ANTXR2: variants seen among roughly 807,000 people sequenced by gnomAD.
ANTXR2 encodes ANTXR cell adhesion molecule 2, also known as anthrax toxin receptor 2.
ANTXR2 carries 44 observed loss-of-function variants against 73.7 expected under a neutral mutation model. The observed-to-expected ratio is 0.60, with a 90% CI of 0.47 to 0.77. ANTXR2 has a LOEUF of 0.77. Ranked by LOEUF, ANTXR2 falls within the 30% of genes least tolerant of loss-of-function variation. The probability of loss-of-function intolerance (pLI) is 0.00; values close to 1 mark genes in which losing one functional copy is unlikely to be tolerated. For missense variants in ANTXR2, 604 were observed against 592.5 expected, an observed-to-expected ratio of 1.02 and a Z score of -0.20; for synonymous variants, 217 against 205.9, an observed-to-expected ratio of 1.05 and a Z score of -0.46.
At chr4:80,050,462 C>G (rs183037680) in intron 7 of ANTXR2, among the ~76,000 whole-genome samples, 58 of 151,784 alleles carry the variant, frequency 3.8e-4, no homozygotes, top group African/African-American at 1.3e-3. Context: ...GGAGCCCCAT[C>G]ATTAGCCCTG....
Position 80,072,719 on chromosome 4 carries a change from G to A in ANTXR2, c.-159C>T. 3.0e-6 allele frequency: 4 copies of A among 1,348,610 alleles called. No individual in the cohort carries two copies. The highest frequency in any genetic ancestry group is 3.8e-6 in the Non-Finnish European group (4 of 1,055,628). 83.5% of individuals were successfully genotyped at this position (1,348,610 alleles called of 1,614,324 possible). A position where few individuals can be genotyped will look rare whatever the true frequency, so the allele number is the denominator to read the frequency against. ...GGCAGCGGGACCCACCAGCTGACAG[G>A]GAGGGAGAGAGGGAGGTCCTGAGAG... On this transcript the variant is annotated 5_prime_UTR_variant, in exon 1 of 17. Coordinates refer to ENST00000403729, the MANE Select transcript of ANTXR2 (RefSeq NM_058172.6).
chr4:79,951,977 CTTG>C (rs1728724463), intron 16 of ANTXR2, among the ~76,000 whole-genome samples: 1 of 152,048 alleles, frequency 6.6e-6, no homozygotes, highest in Non-Finnish European at 1.5e-5. Context: ...AGATTACAAA[CTTG>C]TTGATAACTA....
At chr4:80,042,081 T>C (rs949618585) in intron 7 of ANTXR2, among the ~76,000 whole-genome samples, 2 of 152,090 alleles carry the variant, frequency 1.3e-5, no homozygotes, top group African/African-American at 2.4e-5. Context: ...TTATGTTTCT[T>C]TCTTGTCTTA....
chr4:79,993,916 G>C (rs1033060618), intron 12 of ANTXR2, among the ~76,000 whole-genome samples: 1 of 151,518 alleles, frequency 6.6e-6, no homozygotes, highest in Non-Finnish European at 1.5e-5. Flanking sequence ...TGAGTTATCT[G>C]GTTATCTTGG....
intron 12 of ANTXR2, among the ~76,000 whole-genome samples, chr4:79,998,496 T>A (rs1166881798): frequency 6.6e-6 from 1 of 152,028 alleles, no homozygotes; most frequent in Admixed American, 6.6e-5. Flanking sequence ...CCCCAAACTA[T>A]GCAACTATAG....
At chr4:80,033,052 T>C (rs1197278953) in intron 9 of ANTXR2, among the ~76,000 whole-genome samples, 2 of 151,492 alleles carry the variant, frequency 1.3e-5, no homozygotes, top group African/African-American at 4.8e-5. Flanking sequence ...CTGAAGATAA[T>C]TAGATTTTAA....
chr4:80,073,237 T>G (rs945093727), upstream of ANTXR2, among the ~76,000 whole-genome samples: 2 of 152,154 alleles, frequency 1.3e-5, no homozygotes, highest in Non-Finnish European at 2.9e-5. Context: ...TGTGTCAGTG[T>G]GCGCCTGGGG....
rs183025614 is a variant in ANTXR2, at chr4:80,069,252, T to C, written c.296+184A>G. Reference sequence around the variant, plus strand: ...CATTCCACAGCCACTATAAATGATATTGATTTTCAGATTAACTGCTCTTTT... The same window carrying C: ...CATTCCACAGCCACTATAAATGATACTGATTTTCAGATTAACTGCTCTTTT... On this transcript the variant is annotated intron_variant, in intron 3 of 16. Coordinates refer to ENST00000403729, the MANE Select transcript of ANTXR2 (RefSeq NM_058172.6). Among the ~76,000 whole-genome samples, 601 of 152,296 alleles carry C rather than the reference T, an allele frequency of 3.9e-3. 5 individuals are homozygous for C. Among genetic ancestry groups the C allele is most frequent in the African/African-American group, 0.013 (558 of 41,572 alleles).
At chr4:79,948,582 C>T (rs965769465) in intron 16 of ANTXR2, among the ~76,000 whole-genome samples, 1 of 152,102 alleles carries the variant, frequency 6.6e-6, no homozygotes, top group Admixed American at 6.6e-5. Context: ...TAAGTCTCAA[C>T]CTTCAATCTC....
intron 16 of ANTXR2, among the ~76,000 whole-genome samples, chr4:79,956,217 G>A (rs1728880766): frequency 6.6e-6 from 1 of 152,050 alleles, no homozygotes; most frequent in African/African-American, 2.4e-5. Flanking sequence ...GTATTATAGA[G>A]TAATATGCAT....
intron 12 of ANTXR2, among the ~76,000 whole-genome samples, chr4:79,999,546 T>A (rs1289769151): frequency 2.0e-5 from 3 of 152,092 alleles, no homozygotes; most frequent in Non-Finnish European, 4.4e-5. Flanking sequence ...GTCTGGTGAA[T>A]CTATCCCATA....
At chr4:80,067,219 A>AG (rs1291772763) in intron 3 of ANTXR2, among the ~76,000 whole-genome samples, 3 of 147,200 alleles carry the variant, frequency 2.0e-5, no homozygotes, top group Admixed American at 6.8e-5. Flanking sequence ...AAAAAAAAAA[A>AG]GAAAGAAAGA....
intron 11 of ANTXR2, among the ~76,000 whole-genome samples, chr4:80,015,993 G>A (rs1013516887): frequency 6.8e-6 from 1 of 147,288 alleles, no homozygotes; most frequent in Non-Finnish European, 1.5e-5. Flanking sequence ...GAAAGGAAAG[G>A]AAAGGAAAGG....
At chr4:79,959,593 T>C (rs751272803) in intron 16 of ANTXR2, among the ~76,000 whole-genome samples, 4 of 152,230 alleles carry the variant, frequency 2.6e-5, no homozygotes, top group Non-Finnish European at 5.9e-5. Flanking sequence ...AGTTAAAATC[T>C]TGACCCTGCT....
At chr4:80,063,218 T>C (rs1734342315) in intron 3 of ANTXR2, among the ~76,000 whole-genome samples, 1 of 152,166 alleles carries the variant, frequency 6.6e-6, no homozygotes, top group Admixed American at 6.5e-5. Flanking sequence ...GGCCCAGGAA[T>C]TGGGCAGCAA....
intron 12 of ANTXR2, among the ~76,000 whole-genome samples, chr4:79,991,778 A>G (rs1401066611): frequency 6.6e-6 from 1 of 152,158 alleles, no homozygotes; most frequent in African/African-American, 2.4e-5. Flanking sequence ...GCTATTTAAA[A>G]AAAATGAAAT....
intron 10 of ANTXR2, among the ~76,000 whole-genome samples, chr4:80,025,818 T>C (rs1732409029): frequency 6.6e-6 from 1 of 152,180 alleles, no homozygotes; most frequent in South Asian, 2.1e-4. Flanking sequence ...ATTTTTAGCA[T>C]ATCTCAATAT....
At chr4:79,957,589 C>T (rs1175862135) in intron 16 of ANTXR2, among the ~76,000 whole-genome samples, 1 of 152,028 alleles carries the variant, frequency 6.6e-6, no homozygotes, top group East Asian at 1.9e-4. Flanking sequence ...ATTCAGTGTG[C>T]TCTATATTTT....
At chr4:79,927,615 T>A (rs1033511556) in intron 16 of ANTXR2, among the ~76,000 whole-genome samples, 1 of 152,216 alleles carries the variant, frequency 6.6e-6, no homozygotes, top group Non-Finnish European at 1.5e-5. Flanking sequence ...TTTATCGTTA[T>A]AGTATTATTT....
Sources: allele counts gnomAD v4.1 joint callset (sites outside exome capture counted in the v4.1 genomes callset), GRCh38; gene constraint gnomAD v4.1.1; transcripts MANE v1.5; gene names NCBI Gene and HGNC (gene_info 2026-07-23, HGNC 2026-07-21).